Variants in LRP2 observed in about 807,000 individuals in gnomAD.
LRP2 encodes the protein low-density lipoprotein receptor-related protein 2.
In LRP2, 172 loss-of-function variants were observed where a neutral mutation model predicts 531.0. The ratio of observed to expected loss-of-function variants is 0.32; its 90% CI spans 0.29 to 0.37. The LOEUF (loss-of-function observed/expected upper bound fraction) is 0.37. Ranked by LOEUF, LRP2 falls within the 10% of genes least tolerant of loss-of-function variation. LRP2 has a pLI of 1.00. For missense variants in LRP2, 5,167 were observed against 5,868.3 expected (o/e 0.88, Z 3.90); for synonymous variants, 1,992 against 2,027.6 (o/e 0.98, Z 0.47).
In LRP2 at chr2:169,267,438, A is replaced by G. The variant is rs567279623; in HGVS notation, c.2320+3466T>C. Among the ~76,000 whole-genome samples the G allele has an allele frequency of 4.6e-5, 7 of 152,280 alleles. No homozygotes were observed. The South Asian group carries it at 1.2e-3, about 27-fold the overall frequency. ...CCACAAGGCAATCAAATTAGAACTC[A>G]GGATCCAGAAACTCACTCAAAACCA... On this transcript the variant is annotated intron_variant, in intron 16 of 78. Coordinates refer to ENST00000649046, the MANE Select transcript of LRP2 (RefSeq NM_004525.3).
chr2:169,261,464 C>T (rs1370993822), intron 16 of LRP2, among the ~76,000 whole-genome samples: 2 of 150,748 alleles, frequency 1.3e-5, no homozygotes, highest in Admixed American at 6.6e-5. Flanking sequence ...ACCACACCAC[C>T]ACATTAGCTA....
chr2:169,260,865 C>T (rs1167022890), intron 16 of LRP2, among the ~76,000 whole-genome samples: 1 of 102,926 alleles, frequency 9.7e-6, no homozygotes, highest in South Asian at 2.9e-4. Context: ...CTCCAGGGTA[C>T]ACTAGAAAAA....
At chr2:169,268,441 T>G (rs143458566) in intron 16 of LRP2, among the ~76,000 whole-genome samples, 2,701 of 152,264 alleles carry the variant, frequency 0.018, 77 homozygotes, top group African/African-American at 0.059. Context: ...TGTGATGCAA[T>G]GCTGGTTCAG....
intron 50 of LRP2, 196 bp from the exon 51 acceptor site, chr2:169,182,515 G>A (rs1687477815): frequency 6.8e-7 from 1 of 1,467,474 alleles, no homozygotes; most frequent in African/African-American, 1.4e-5. Context: ...GCAAGACTGT[G>A]TGCAATAATT....
intron 1 of LRP2, among the ~76,000 whole-genome samples, chr2:169,328,479 T>G (rs28612363): frequency 0.012 from 1,474 of 118,232 alleles, 20 homozygotes; most frequent in African/African-American, 0.037. Context: ...AAAAAAGAAA[T>G]AAATAAATAA....
Position 169,243,532 on chromosome 2 carries a change from T to A in LRP2, c.3431-10A>T, listed in dbSNP as rs1574172794. 1 of 1,613,962 alleles carries A rather than the reference T, an allele frequency of 6.2e-7. No homozygotes were observed. Among genetic ancestry groups the A allele is most frequent in the South Asian group, 1.1e-5 (1 of 91,080 alleles). ...CATGTCTCTGTCGAATCTAATGTCA[T>A]CCGAAAACAAAACCAACAAGTTTAT... is the stretch of plus-strand genomic sequence containing the variant. On this transcript the variant is annotated splice_polypyrimidine_tract_variant and intron_variant, in intron 22 of 78. Transcript: ENST00000649046.
intron 15 of LRP2, chr2:169,271,651 ACACAG>A: frequency 8.3e-6 from 4 of 482,336 alleles, no homozygotes; most frequent in Non-Finnish European, 1.0e-5. Flanking sequence ...ACACACACAC[ACACAG>A]AAACCTTTCT....
At position 169,275,046 on chromosome 2, in the gene LRP2, T is replaced by C. The variant is rs548724734; in HGVS notation, c.1965A>G (p.Arg655=). 6.2e-7 allele frequency: 1 copy of C among 1,613,536 alleles called. No homozygotes were observed. The highest frequency in any genetic ancestry group is 1.7e-5 in the Admixed American group (1 of 59,902). The change falls in exon 14 of 79, where the codon AGA becomes AGG. Residue 655 remains arginine (R), a synonymous_variant. Transcript: ENST00000649046. ...TGCTCTGAGGCTTACCATAGGGCTG[T>C]CTGAGGGAATGGTAAACAGTCACTC... is the stretch of plus-strand genomic sequence containing the variant. The part of the protein sequence containing the change: ...PYGVTVYHSL[R]QPYATNPCKD...
intron 3 of LRP2, among the ~76,000 whole-genome samples, chr2:169,315,869 A>G (rs1169023962): frequency 1.3e-5 from 2 of 150,230 alleles, no homozygotes; most frequent in Non-Finnish European, 2.9e-5. Context: ...CACACCTATC[A>G]TCCCAGCACT....
chr2:169,260,588 A>G (rs62172657), intron 16 of LRP2, among the ~76,000 whole-genome samples: 4,101 of 152,154 alleles, frequency 0.027, 67 homozygotes, highest in Non-Finnish European at 0.04. Flanking sequence ...AGCTGGCACT[A>G]TGGGTCTGAA....
intron 78 of LRP2, 79 bp from the exon 79 acceptor site, chr2:169,128,909 T>C (rs1282880841): frequency 1.3e-6 from 2 of 1,561,582 alleles, no homozygotes; most frequent in African/African-American, 1.4e-5. Context: ...AGAAGACTAT[T>C]TGTGGCCACT....
In LRP2 at chr2:169,193,481, G is replaced by T. The variant is rs1687901066; in HGVS notation, c.8830+280C>A. 4.0e-5 allele frequency among the ~76,000 whole-genome samples: 6 copies of T among 150,046 alleles called. No individual in the cohort carries two copies. The South Asian group carries it at 1.0e-3, about 26-fold the overall frequency. On this transcript the variant is annotated intron_variant, in intron 47 of 78. Coordinates refer to ENST00000649046, the MANE Select transcript of LRP2 (RefSeq NM_004525.3). ...AGAAAAAAGAAAAGGAGACAACCAA[G>T]TATTTGTGGGTTTTTTTTTTCCCCT...
intron 77 of LRP2, among the ~76,000 whole-genome samples, chr2:169,130,630 A>C (rs554179115): frequency 1.3e-5 from 2 of 152,306 alleles, no homozygotes; most frequent in South Asian, 4.1e-4. Flanking sequence ...TGGATGAAAG[A>C]TACATTTGTG....
intron 50 of LRP2, chr2:169,182,721 T>C (rs1687487472): frequency 4.7e-6 from 3 of 634,414 alleles, no homozygotes; most frequent in Non-Finnish European, 5.9e-6. Flanking sequence ...TCTAAGTGTG[T>C]CATTGAAACT....
chr2:169,284,239 TTC>T (rs1683781348), intron 9 of LRP2, among the ~76,000 whole-genome samples: 1 of 138,896 alleles, frequency 7.2e-6, no homozygotes, highest in African/African-American at 2.6e-5. Context: ...CTCTTTTCTT[TTC>T]TTTTTCTTTT....
chr2:169,166,180 T>A, intron 61 of LRP2, 126 bp from the exon 62 acceptor site: 2 of 938,590 alleles, frequency 2.1e-6, no homozygotes, highest in Non-Finnish European at 3.4e-6. Flanking sequence ...ATTTGATTAA[T>A]CAATCAGCAG....
At chr2:169,207,324 A>G in intron 38 of LRP2, 74 bp from the exon 39 acceptor site, 1 of 1,022,658 alleles carries the variant, frequency 9.8e-7, no homozygotes, top group South Asian at 1.3e-5. Context: ...TTACAAATTC[A>G]GAACAAAATA....
At chr2:169,341,501 A>C (rs954498892) in intron 1 of LRP2, among the ~76,000 whole-genome samples, 1 of 152,108 alleles carries the variant, frequency 6.6e-6, no homozygotes, top group Non-Finnish European at 1.5e-5. Context: ...TTCATCAAAT[A>C]TTTTCCATAT....
Position 169,154,517 on chromosome 2 carries a change from C to G in LRP2, c.12238G>C (p.Asp4080His). 1 of 1,612,804 alleles carries G rather than the reference C, an allele frequency of 6.2e-7. No homozygotes were observed. Among genetic ancestry groups the G allele is most frequent in the Non-Finnish European group, 8.5e-7 (1 of 1,178,916 alleles). ...TCAACAGCTTGGATATATTCCTCAT[C>G]TTGAAGATACTCTGAGAACCTCTCA... The part of the protein sequence containing the change: ...SSERFSEYLQ[D>H]EEYIQAVDYD... The change falls in exon 66 of 79, where the codon GAT (aspartate) becomes CAT (histidine). Residue 4080 changes from aspartate (D) to histidine (H), a missense_variant. Physicochemically the swap from Asp to His is moderately conservative, Grantham distance 81 (BLOSUM62 -1). Coordinates refer to ENST00000649046, the MANE Select transcript of LRP2 (RefSeq NM_004525.3).
Sources: allele counts gnomAD v4.1 joint callset (sites outside exome capture counted in the v4.1 genomes callset), GRCh38; gene constraint gnomAD v4.1.1; transcripts MANE v1.5; gene names NCBI Gene and HGNC (gene_info 2026-07-23, HGNC 2026-07-21).